PRKN: variants seen among roughly 807,000 people sequenced by gnomAD.
The protein encoded by PRKN is E3 ubiquitin-protein ligase parkin.
A neutral mutation model predicts 59.5 loss-of-function variants in PRKN; 56 were observed. That is an observed-to-expected ratio of 0.94 (90% CI 0.76 to 1.18). The LOEUF (loss-of-function observed/expected upper bound fraction) is 1.18. Among genes scored for constraint, PRKN ranks in the 50% most tolerant of loss-of-function variants. The pLI, the probability that PRKN is intolerant of heterozygous loss-of-function variation, is 0.00. For missense variants in PRKN, 657 were observed against 596.4 expected, an observed-to-expected ratio of 1.10 and a Z score of -1.06; for synonymous variants, 250 against 222.1, an observed-to-expected ratio of 1.13 and a Z score of -1.12.
rs1160410421 is a variant in PRKN, at chr6:162,102,207, G to A, written c.535-48033C>T. 3.3e-5 allele frequency among the ~76,000 whole-genome samples: 5 copies of A among 151,194 alleles called. No individual in the cohort carries two copies. The East Asian group carries it at 9.7e-4, about 29-fold the overall frequency. On this transcript the variant is annotated intron_variant, in intron 4 of 11. Transcript: ENST00000366898. ...CCGTCCCCCCACCCATCCCCCAGTA[G>A]GCCCCAGTGTGTGTTGTTCCCCTCC...
intron 1 of PRKN, among the ~76,000 whole-genome samples, chr6:162,650,416 G>A (rs909050378): frequency 2.0e-5 from 3 of 151,828 alleles, no homozygotes; most frequent in South Asian, 4.2e-4. Context: ...GCTAAAAACG[G>A]TGAAACCCCG....
chr6:161,661,915 C>T (rs1222824823), intron 7 of PRKN, among the ~76,000 whole-genome samples: 1 of 151,978 alleles, frequency 6.6e-6, no homozygotes, highest in Non-Finnish European at 1.5e-5. Flanking sequence ...CCCAGCTACT[C>T]GGGAGGCTGA....
intron 6 of PRKN, among the ~76,000 whole-genome samples, chr6:161,792,769 A>T (rs1444161757): frequency 1.3e-5 from 2 of 152,120 alleles, no homozygotes; most frequent in African/African-American, 4.8e-5. Flanking sequence ...GAGAACTATG[A>T]CTCCTGGGCA....
chr6:162,530,164 T>C (rs979289691), intron 1 of PRKN, among the ~76,000 whole-genome samples: 1 of 147,038 alleles, frequency 6.8e-6, no homozygotes, highest in African/African-American at 2.5e-5. Context: ...AGTAAAAAAG[T>C]AGAGGCATTC....
In PRKN at chr6:161,502,877, G is replaced by A. The variant is rs907034173; in HGVS notation, c.1083+45977C>T. On this transcript the variant is annotated intron_variant, in intron 9 of 11. Transcript: ENST00000366898. The surrounding 1 kb of genome is among the most constrained non-coding windows in gnomAD (Gnocchi z 4.0). ...AAAACCTGACTCCACAGCTTAGTAG[G>A]TGCGTAACCCTGGGGATGTCGCTTA... 5.3e-5 allele frequency among the ~76,000 whole-genome samples: 8 copies of A among 152,108 alleles called. No homozygotes were observed. Among genetic ancestry groups the A allele is most frequent in the South Asian group, 2.1e-4 (1 of 4,824 alleles).
In PRKN at chr6:161,584,803, T is replaced by C. The variant is rs1781464955; in HGVS notation, c.872-15387A>G. Among the ~76,000 whole-genome samples, 1 of 152,216 alleles carries C rather than the reference T, an allele frequency of 6.6e-6. No homozygotes were observed. Among genetic ancestry groups the C allele is most frequent in the Non-Finnish European group, 1.5e-5 (1 of 68,042 alleles). On this transcript the variant is annotated intron_variant, in intron 7 of 11. Transcript: ENST00000366898. The surrounding 1 kb of genome is among the most constrained non-coding windows in gnomAD (Gnocchi z 4.8). ...ATATTGAAAATGTGCTCAGTAACAA[T>C]TGCGGGATGAGTCTCTGTGCAGCGA...
At chr6:161,746,798 GCACA>G (rs1457405370) in intron 7 of PRKN, among the ~76,000 whole-genome samples, 1 of 140,398 alleles carries the variant, frequency 7.1e-6, no homozygotes, top group Non-Finnish European at 1.5e-5. Flanking sequence ...ATCTAGATAT[GCACA>G]GACATATATA....
At chr6:162,372,590 AAACT>A (rs1362215816) in intron 2 of PRKN, among the ~76,000 whole-genome samples, 1 of 152,132 alleles carries the variant, frequency 6.6e-6, no homozygotes, top group African/African-American at 2.4e-5. Context: ...GAGGGTTGAA[AAACT>A]AACTATTCGG....
intron 7 of PRKN, among the ~76,000 whole-genome samples, chr6:161,754,005 C>T (rs1490066357): frequency 2.0e-5 from 3 of 152,056 alleles, no homozygotes; most frequent in Non-Finnish European, 4.4e-5. Flanking sequence ...CCAGACGGTG[C>T]CCAGTGTGTA....
Position 161,410,741 on chromosome 6 carries a change from G to A in PRKN, c.1084-23864C>T, listed in dbSNP as rs1048658649. 2.6e-5 allele frequency among the ~76,000 whole-genome samples: 4 copies of A among 152,136 alleles called. No homozygotes were observed. The highest frequency in any genetic ancestry group is 5.9e-5 in the Non-Finnish European group (4 of 68,028). On this transcript the variant is annotated intron_variant, in intron 9 of 11. Transcript: ENST00000366898. The surrounding 1 kb of genome is among the most constrained non-coding windows in gnomAD (Gnocchi z 5.3). The stretch of plus-strand genomic sequence containing the variant: ...GTGAGGGAGGGGCAACAGTGCCATG[G>A]GAAATGCATCATTGGTGCTCATGAC...
intron 7 of PRKN, among the ~76,000 whole-genome samples, chr6:161,632,406 G>A (rs1192231718): frequency 6.6e-6 from 1 of 152,108 alleles, no homozygotes; most frequent in Non-Finnish European, 1.5e-5. Flanking sequence ...ATGGCAAAAC[G>A]TTATCTAGTC....
intron 4 of PRKN, among the ~76,000 whole-genome samples, chr6:162,173,795 T>C (rs1261077025): frequency 3.3e-5 from 5 of 152,196 alleles, no homozygotes; most frequent in African/African-American, 1.2e-4. Context: ...TTCATCTCTA[T>C]AATGGAATTG....
intron 5 of PRKN, among the ~76,000 whole-genome samples, chr6:162,009,844 G>A (rs1453448337): frequency 6.6e-6 from 1 of 151,666 alleles, no homozygotes; most frequent in Non-Finnish European, 1.5e-5. Flanking sequence ...GCTGAGGCAT[G>A]ATAATCATTT....
At chr6:162,010,537 AATGTATTATATT>A (rs1562455917) in intron 5 of PRKN, among the ~76,000 whole-genome samples, 3 of 16,494 alleles carry the variant, frequency 1.8e-4, no homozygotes, top group Non-Finnish European at 2.4e-4. Flanking sequence ...TATATTATAT[AATGTATTATATT>A]ATATATTATA....
chr6:162,687,461 G>A (rs766285007), intron 1 of PRKN, among the ~76,000 whole-genome samples: 11 of 151,938 alleles, frequency 7.2e-5, no homozygotes, highest in Non-Finnish European at 1.6e-4. Flanking sequence ...TGGGATTACC[G>A]TCGTAAGCCA....
intron 5 of PRKN, among the ~76,000 whole-genome samples, chr6:162,029,163 C>A (rs2128278550): frequency 6.6e-6 from 1 of 152,250 alleles, no homozygotes; most frequent in Non-Finnish European, 1.5e-5. Context: ...ACCCAAGGAG[C>A]TCTGCAGAAA....
chr6:162,247,654 T>TAA (rs1779255269), intron 3 of PRKN, among the ~76,000 whole-genome samples: 1 of 152,176 alleles, frequency 6.6e-6, no homozygotes, highest in Admixed American at 6.5e-5. Flanking sequence ...CAAGGCATAG[T>TAA]AAAAATACTA....
At chr6:162,434,097 C>A (rs1207172778) in intron 2 of PRKN, among the ~76,000 whole-genome samples, 1 of 152,114 alleles carries the variant, frequency 6.6e-6, no homozygotes, top group Non-Finnish European at 1.5e-5. Flanking sequence ...AATCTTCAAT[C>A]CAATGCAGTT....
intron 7 of PRKN, among the ~76,000 whole-genome samples, chr6:161,662,403 T>A (rs935498652): frequency 1.3e-5 from 2 of 151,966 alleles, no homozygotes; most frequent in Non-Finnish European, 2.9e-5. Context: ...TTTCGAGGGA[T>A]GGTGGTGGTG....
Sources: gnomAD v4.1 joint callset for allele counts (sites outside exome capture counted in the v4.1 genomes callset) on GRCh38, gnomAD v4.1.1 for gene constraint, Gnocchi (gnomAD v3.1) non-coding constraint, MANE v1.5 for transcripts, NCBI Gene and HGNC (gene_info 2026-07-23, HGNC 2026-07-21) for gene names.